Variants in USP24 observed in about 807,000 individuals in gnomAD.
USP24 encodes ubiquitin carboxyl-terminal hydrolase 24.
A neutral mutation model predicts 361.6 loss-of-function variants in USP24; 97 were observed. The ratio of observed to expected loss-of-function variants is 0.27; its 90% CI spans 0.23 to 0.32. USP24 has a LOEUF of 0.32. Ranked by LOEUF, USP24 falls within the 10% of genes least tolerant of loss-of-function variation. USP24 has a pLI of 1.00. For synonymous variants in USP24, 1,098 were observed against 1,124.6 expected (o/e 0.98, Z 0.47); for missense variants, 2,353 against 3,165.6 (o/e 0.74, Z 6.16).
rs143014800 is a variant in USP24 at position 55,074,635 on chromosome 1, AAAATAAATAAATAAAT to A, written c.7448-745_7448-730del. ...GAAGACAAAGTGAGACCCTGTCTCA[AAAATAAATAAATAAAT>A]AAATAAATAAATAAATAAATAAATA... is the stretch of plus-strand genomic sequence containing the variant. On this transcript the variant is annotated intron_variant, in intron 63 of 67. Coordinates refer to ENST00000294383, the MANE Select transcript of USP24 (RefSeq NM_015306.3). Among the ~76,000 whole-genome samples the A allele has an allele frequency of 8.6e-4, 120 of 138,952 alleles. 1 individual carries two copies. Among genetic ancestry groups the A allele is most frequent in the African/African-American group, 1.9e-3 (70 of 37,502 alleles). The allele number at this position is 138,952 out of a possible 152,430, so 91.2% of individuals were successfully genotyped here. A position where few individuals can be genotyped will look rare whatever the true frequency, so the allele number is the denominator to read the frequency against.
chr1:55,114,960 C>T (rs1020962008), intron 38 of USP24, among the ~76,000 whole-genome samples: 2 of 152,006 alleles, frequency 1.3e-5, no homozygotes, highest in African/African-American at 2.4e-5. Flanking sequence ...GAACAGGCAA[C>T]CTATAGAATG....
At chr1:55,125,180 G>T in intron 34 of USP24, 140 bp downstream of exon 34, 1 of 721,178 alleles carries the variant, frequency 1.4e-6, no homozygotes. Flanking sequence ...CTACCCTAGC[G>T]ATCTCTTTTT....
intron 63 of USP24, among the ~76,000 whole-genome samples, 175 bp downstream of exon 63, chr1:55,075,282 C>T (rs1021590391): frequency 6.6e-6 from 1 of 151,788 alleles, no homozygotes; most frequent in Non-Finnish European, 1.5e-5. Context: ...GTGAGAAGAT[C>T]CCTGGGTTTT....
At chr1:55,152,475 C>T (rs1054123169) in intron 16 of USP24, among the ~76,000 whole-genome samples, 12 of 152,144 alleles carry the variant, frequency 7.9e-5, no homozygotes, top group Non-Finnish European at 1.0e-4. Context: ...CAGCTTTGAC[C>T]TTTTATATAT....
rs565065499 is a variant in USP24, at chr1:55,166,494, T to C, written c.861+74A>G. 1.1e-5 allele frequency: 15 copies of C among 1,355,536 alleles called. No individual in the cohort carries two copies. In the South Asian group the frequency reaches 1.2e-4, roughly 11 times the overall value. The allele number at this position is 1,355,536 out of a possible 1,614,324, so 84.0% of individuals were successfully genotyped here. ...TTCTCTGCAGCTGCCATTTGCTTAA[T>C]ATACCAAACTCTAGGACGTCTCATT... is the stretch of plus-strand genomic sequence containing the variant. On this transcript the variant is annotated intron_variant, in intron 6 of 67. Coordinates refer to ENST00000294383, the MANE Select transcript of USP24 (RefSeq NM_015306.3).
chr1:55,139,224 C>G (rs548194236), intron 24 of USP24, among the ~76,000 whole-genome samples: 2 of 152,174 alleles, frequency 1.3e-5, no homozygotes, highest in African/African-American at 4.8e-5. Context: ...GAAGCCTATA[C>G]CTCCCCATGT....
intron 1 of USP24, among the ~76,000 whole-genome samples, chr1:55,201,461 C>T (rs971446640): frequency 1.3e-5 from 2 of 151,678 alleles, no homozygotes; most frequent in Admixed American, 6.6e-5. Flanking sequence ...ATCAGCTGGG[C>T]GCAGTGGCAG....
chr1:55,208,406 T>G (rs923982962), intron 1 of USP24, among the ~76,000 whole-genome samples: 1 of 152,098 alleles, frequency 6.6e-6, no homozygotes, highest in Non-Finnish European at 1.5e-5. Context: ...GGTTGGCGGA[T>G]CACTTGAGGC....
At position 55,069,025 on chromosome 1, in the gene USP24, C is replaced by G; in HGVS notation, c.*20G>C. 1.2e-6 allele frequency: 2 copies of G among 1,613,864 alleles called. No homozygotes were observed. Among genetic ancestry groups the G allele is most frequent in the Non-Finnish European group, 1.7e-6 (2 of 1,179,760 alleles). ...CATCCAGTATTGTGTCTTGACTCCT[C>G]TCAGGCTGGGCATGTTCCTCTAGGG... On this transcript the variant is annotated 3_prime_UTR_variant, in exon 68 of 68. Transcript: ENST00000294383.
rs771516226 is a variant in USP24, at chr1:55,199,618, T to TGAGAGAGAGAGAGA, written c.324+15171_324+15172insTCTCTCTCTCTCTC. 7.2e-4 allele frequency among the ~76,000 whole-genome samples: 76 copies of TGAGAGAGAGAGAGA among 105,432 alleles called. 1 individual carries two copies. Among genetic ancestry groups the TGAGAGAGAGAGAGA allele is most frequent in the African/African-American group, 2.3e-3 (72 of 31,726 alleles). 69.2% of individuals were successfully genotyped at this position (105,432 alleles called of 152,430 possible). ...GTGTGTGTGTGTGTGTGTGTGTGTG[T>TGAGAGAGAGAGAGA]GTGTGAGAGAGAGAGAGACAGACAG... On this transcript the variant is annotated intron_variant, in intron 1 of 67. Transcript: ENST00000294383.
intron 28 of USP24, among the ~76,000 whole-genome samples, chr1:55,136,842 C>T (rs1646749887): frequency 6.6e-6 from 1 of 152,046 alleles, no homozygotes. Flanking sequence ...GCCTAGTAGA[C>T]ACTTAAGAGA....
At position 55,134,007 on chromosome 1, in the gene USP24, G is replaced by A. The variant is rs1008669233; in HGVS notation, c.3381+63C>T. The A allele has an allele frequency of 2.2e-6, 3 of 1,370,760 alleles. No individual in the cohort carries two copies. The African/African-American group carries it at 4.3e-5, about 20-fold the overall frequency. The allele number at this position is 1,370,760 out of a possible 1,614,324, so 84.9% of individuals were successfully genotyped here. A position where few individuals can be genotyped will look rare whatever the true frequency, so the allele number is the denominator to read the frequency against. On this transcript the variant is annotated intron_variant, in intron 30 of 67. Coordinates refer to ENST00000294383, the MANE Select transcript of USP24 (RefSeq NM_015306.3). ...TCATATGACCTTGATGTGATTTCAG[G>A]TTGTATTTTCACTCACTGAATTGTG...
chr1:55,071,591 A>T, intron 67 of USP24: 1 of 1,253,018 alleles, frequency 8.0e-7, no homozygotes. Context: ...AGCCACAAAC[A>T]CCTCGAGGCC....
intron 38 of USP24, 40 bp from the exon 39 acceptor site, chr1:55,110,286 A>G (rs757305846): frequency 3.4e-6 from 5 of 1,455,852 alleles, no homozygotes; most frequent in Non-Finnish European, 4.6e-6. Flanking sequence ...TAAGAGGCTG[A>G]TTTGAAAATA....
In USP24 at chr1:55,138,984, C is replaced by G; in HGVS notation, c.2777G>C (p.Arg926Thr). Residue 926 changes from arginine (R) to threonine (T), a missense_variant, in exon 25 of 68, where the codon AGA (arginine) becomes ACA (threonine). Arg to Thr is a moderately conservative substitution (Grantham distance 71). Around this residue, in one of 8 missense-constraint regions of USP24, gnomAD observed 949 missense variants for 1,280.5 expected, o/e 0.74. Coordinates refer to ENST00000294383, the MANE Select transcript of USP24 (RefSeq NM_015306.3). ...YRSTKLVIIERLLLLAERYVI... is the reference protein window; with the variant it reads ...YRSTKLVIIETLLLLAERYVI... ...ATAGCGCTCTGCCAGAAGCAGCAAT[C>G]TCTCAATTATTACAAGTTTAGTAGA... is the stretch of plus-strand genomic sequence containing the variant. 6.2e-7 allele frequency: 1 copy of G among 1,611,896 alleles called. No individual in the cohort carries two copies. The highest frequency in any genetic ancestry group is 8.5e-7 in the Non-Finnish European group (1 of 1,179,096).
Position 55,099,767 on chromosome 1 carries a change from C to T in USP24, c.5370+4G>A, listed in dbSNP as rs367679525. On this transcript the variant is annotated splice_donor_region_variant and intron_variant, in intron 45 of 67. Coordinates refer to ENST00000294383, the MANE Select transcript of USP24 (RefSeq NM_015306.3). ...AGTTAGAGGGAAAGTACAACTTTTA[C>T]TACCTTGAGGTATTCATCCATCTGA... The T allele has an allele frequency of 1.6e-5, 25 of 1,547,970 alleles. No homozygotes were observed. The African/African-American group carries it at 2.9e-4, about 18-fold the overall frequency.
chr1:55,162,508 A>T (rs1349009051), intron 7 of USP24, among the ~76,000 whole-genome samples: 2 of 152,174 alleles, frequency 1.3e-5, no homozygotes, highest in African/African-American at 4.8e-5. Flanking sequence ...ACATCTTTGG[A>T]GAATTAGATA....
chr1:55,076,924 G>T (rs900210329), intron 62 of USP24, among the ~76,000 whole-genome samples: 1 of 152,104 alleles, frequency 6.6e-6, no homozygotes, highest in Admixed American at 6.5e-5. Flanking sequence ...GCGCTAACAC[G>T]ATGCCTTCTC....
intron 20 of USP24, among the ~76,000 whole-genome samples, chr1:55,145,506 AT>A (rs1647004254): frequency 6.6e-6 from 1 of 152,238 alleles, no homozygotes; most frequent in African/African-American, 2.4e-5. Context: ...GATAAAATGA[AT>A]GGAAAGTGAC....
Sources: gnomAD v4.1 joint callset for allele counts (sites outside exome capture counted in the v4.1 genomes callset) on GRCh38, gnomAD v4.1.1 for gene constraint, gnomAD v4.1.1 regional missense constraint, MANE v1.5 for transcripts, NCBI Gene and HGNC (gene_info 2026-07-23, HGNC 2026-07-21) for gene names.